CXCL3: variants seen among roughly 807,000 people sequenced by gnomAD.
The protein encoded by CXCL3 is C-X-C motif chemokine 3.
Under a neutral mutation model 11.5 loss-of-function variants are expected in CXCL3, and 10 were observed. That is an observed-to-expected ratio of 0.87 (90% CI 0.54 to 1.48). The LOEUF is 1.48. CXCL3 is among the 40% of genes most tolerant of loss of function. The probability of loss-of-function intolerance (pLI) is 0.00; values close to 1 mark genes in which losing one functional copy is unlikely to be tolerated. For missense variants in CXCL3, 149 were observed against 139.1 expected (o/e 1.07, Z -0.36); for synonymous variants, 61 against 60.9 (o/e 1.00, Z -0.01).
At position 74,038,277 on chromosome 4, in the gene CXCL3, G is replaced by A; in HGVS notation, c.224+13C>T. 1 of 1,613,910 alleles carries A rather than the reference G, an allele frequency of 6.2e-7. No individual in the cohort carries two copies. Among genetic ancestry groups the A allele is most frequent in the South Asian group, 1.1e-5 (1 of 91,058 alleles). On this transcript the variant is annotated intron_variant, in intron 2 of 3. Coordinates refer to ENST00000296026, the MANE Select transcript of CXCL3 (RefSeq NM_002090.3). ...CCCCAGCGGTGGCAGCGGAAGCGCGGGGCGGGACTTACATGACTTCGGTTT... is the reference window on the plus strand; with the variant it reads ...CCCCAGCGGTGGCAGCGGAAGCGCGAGGCGGGACTTACATGACTTCGGTTT...
In CXCL3 at chr4:74,038,681, G is replaced by A. The variant is rs1720059050; in HGVS notation, c.-70C>T. 3 of 1,353,384 alleles carry A rather than the reference G, an allele frequency of 2.2e-6. No homozygotes were observed. Among genetic ancestry groups the A allele is most frequent in the African/African-American group, 1.5e-5 (1 of 65,318 alleles). The allele number at this position is 1,353,384 out of a possible 1,614,324, so 83.8% of individuals were successfully genotyped here. On this transcript the variant is annotated 5_prime_UTR_variant, in exon 1 of 4. Coordinates refer to ENST00000296026, the MANE Select transcript of CXCL3 (RefSeq NM_002090.3). ...GCTGGCGGGGAGGTGCCTGCGACCC[G>A]GGCTGTGTGGCTCCCCAAGATCGGC...
At chr4:74,038,070 T>C in intron 3 of CXCL3, 23 bp downstream of exon 3, 1 of 1,612,904 alleles carries the variant, frequency 6.2e-7, no homozygotes, top group African/African-American at 1.3e-5. Flanking sequence ...CAGTCGCCTG[T>C]GTATATGGAA....
rs1439072397 is a variant in CXCL3, at chr4:74,037,020, A to G, written c.*242T>C. ...CCAATTAAATAATCAGGACTGAGCT[A>G]TGTTTGATGAAACACACTCACATCT... On this transcript the variant is annotated 3_prime_UTR_variant, in exon 4 of 4. Transcript: ENST00000296026. 2.2e-6 allele frequency: 1 copy of G among 456,274 alleles called. No individual in the cohort carries two copies. Among genetic ancestry groups the G allele is most frequent in the African/African-American group, 2.0e-5 (1 of 50,686 alleles). The allele number at this position is 456,274 out of a possible 1,614,324, so 28.3% of individuals were successfully genotyped here. A position where few individuals can be genotyped will look rare whatever the true frequency, so the allele number is the denominator to read the frequency against.
chr4:74,037,748 T>C, intron 3 of CXCL3: 1 of 314,194 alleles, frequency 3.2e-6, no homozygotes, highest in South Asian at 3.3e-5. Flanking sequence ...AAACCAGACA[T>C]TGCATTTTTC....
intron 3 of CXCL3, 82 bp downstream of exon 3, chr4:74,038,011 C>G (rs1720033025): frequency 7.0e-7 from 1 of 1,427,640 alleles, no homozygotes; most frequent in African/African-American, 1.4e-5. Flanking sequence ...TTGGGGTTCC[C>G]TGATTTTATT....
chr4:74,037,309 G>A lies in CXCL3; in HGVS notation c.309-32C>T, dbSNP rs1720015316. The A allele has an allele frequency of 1.9e-6, 3 of 1,613,670 alleles. No homozygotes were observed. The South Asian group carries it at 3.3e-5, about 18-fold the overall frequency. On this transcript the variant is annotated intron_variant, in intron 3 of 3. Transcript: ENST00000296026. The stretch of plus-strand genomic sequence containing the variant: ...TGAGAAAAGGGTTACTGTTGCAGGT[G>A]CTAAGGAAGGCTGCTCTTCTGTCAC...
intron 3 of CXCL3, 134 bp from the exon 4 acceptor site, chr4:74,037,411 A>C: frequency 3.6e-6 from 3 of 840,792 alleles, no homozygotes; most frequent in South Asian, 1.7e-5. Context: ...GTCTGTACCC[A>C]CTGCCTTCTA....
At position 74,037,266 on chromosome 4, in the gene CXCL3, T is replaced by C; in HGVS notation, c.320A>G (p.Asn107Ser). Reference sequence around the variant, plus strand: ...AAGCTTCTTACTTCTCTCCTGTCAGTTGGTGCTCCCCCTGTGATGAGAAAA... The same window carrying C: ...AAGCTTCTTACTTCTCTCCTGTCAGCTGGTGCTCCCCCTGTGATGAGAAAA... ...IEKILNKGST[N>S] Residue 107 changes from asparagine to serine, a missense_variant, in exon 4 of 4, where the codon AAC becomes AGC. Asn to Ser is a conservative substitution (Grantham distance 46). Coordinates refer to ENST00000296026, the MANE Select transcript of CXCL3 (RefSeq NM_002090.3). The C allele has an allele frequency of 6.2e-7, 1 of 1,614,000 alleles. No individual in the cohort carries two copies. The highest frequency in any genetic ancestry group is 8.5e-7 in the Non-Finnish European group (1 of 1,179,944).
At chr4:74,037,924 C>A (rs1720031466) in intron 3 of CXCL3, 169 bp downstream of exon 3, 4 of 699,376 alleles carry the variant, frequency 5.7e-6, no homozygotes, top group South Asian at 3.6e-5. Context: ...CCTCTGGCAC[C>A]AGAGCAGATT....
chr4:74,038,612 G>C lies in CXCL3; in HGVS notation c.-1C>G. 6.9e-7 allele frequency: 1 copy of C among 1,456,470 alleles called. No individual in the cohort carries two copies. The highest frequency in any genetic ancestry group is 9.0e-7 in the Non-Finnish European group (1 of 1,109,852). The allele number at this position is 1,456,470 out of a possible 1,614,324, so 90.2% of individuals were successfully genotyped here. On this transcript the variant is annotated 5_prime_UTR_variant, in exon 1 of 4. Transcript: ENST00000296026. ...CGGCGGAGAGCGTGGCGTGGGCCATGGGGCTCAGCAGACGCGTCGGGAAGC... is the reference window on the plus strand; with the variant it reads ...CGGCGGAGAGCGTGGCGTGGGCCATCGGGCTCAGCAGACGCGTCGGGAAGC...
chr4:74,038,562 C>T lies in CXCL3; in HGVS notation c.50G>A (p.Arg17Gln). 2 of 1,490,590 alleles carry T rather than the reference C, an allele frequency of 1.3e-6. No homozygotes were observed. Among genetic ancestry groups the T allele is most frequent in the Non-Finnish European group, 1.8e-6 (2 of 1,121,696 alleles). The allele number at this position is 1,490,590 out of a possible 1,614,324, so 92.3% of individuals were successfully genotyped here. Residue 17 changes from arginine to glutamine, a missense_variant, in exon 1 of 4, where the codon CGG becomes CAG. By Grantham distance (43) the Arg-to-Gln change is conservative. Transcript: ENST00000296026. ...SAAPSNPRLL[R>Q]VALLLLLLVA... ...CAGGAGCAGGAGCAGCAGCGCCACCCGCAGGAGCCGGGGATTGCTGGGGGC... is the reference window on the plus strand; with the variant it reads ...CAGGAGCAGGAGCAGCAGCGCCACCTGCAGGAGCCGGGGATTGCTGGGGGC...
chr4:74,038,124 C>A lies in CXCL3; in HGVS notation c.277G>T (p.Val93Phe). 6.2e-7 allele frequency: 1 copy of A among 1,614,078 alleles called. No individual in the cohort carries two copies. Among genetic ancestry groups the A allele is most frequent in the Non-Finnish European group, 8.5e-7 (1 of 1,180,014 alleles). ...KACLNPASPM[V>F]QKIIEKILNK... ...AGTATCTTTTCGATGATTTTCTGAACCATGGGGGATGCGGGGTTGAGACAA... is the reference window on the plus strand; with the variant it reads ...AGTATCTTTTCGATGATTTTCTGAAACATGGGGGATGCGGGGTTGAGACAA... The change falls in exon 3 of 4, where the codon GTT (valine) becomes TTT (phenylalanine). Residue 93 changes from valine to phenylalanine, a missense_variant. By Grantham distance (50) the Val-to-Phe change is conservative. Transcript: ENST00000296026.
chr4:74,038,349 C>G lies in CXCL3; in HGVS notation c.165G>C (p.Lys55Asn). ...ACCTTACATTCACACTTTGGATGTT[C>G]TTGAGGTGAATTCCCTGCAGTGTCT... ...CLQTLQGIHLKNIQSVNVRSP... is the reference protein window; with the variant it reads ...CLQTLQGIHLNNIQSVNVRSP... The change falls in exon 2 of 4, where the codon AAG becomes AAC. Residue 55 changes from lysine to asparagine, a missense_variant. By Grantham distance (94) the Lys-to-Asn change is moderately conservative (BLOSUM62 0). Coordinates refer to ENST00000296026, the MANE Select transcript of CXCL3 (RefSeq NM_002090.3). 6.2e-7 allele frequency: 1 copy of G among 1,614,192 alleles called. No homozygotes were observed.
rs1302961059 is a variant in CXCL3 at position 74,037,021 on chromosome 4, T to C, written c.*241A>G. On this transcript the variant is annotated 3_prime_UTR_variant, in exon 4 of 4. Coordinates refer to ENST00000296026, the MANE Select transcript of CXCL3 (RefSeq NM_002090.3). ...CAATTAAATAATCAGGACTGAGCTA[T>C]GTTTGATGAAACACACTCACATCTT... 2 of 460,108 alleles carry C rather than the reference T, an allele frequency of 4.3e-6. No individual in the cohort carries two copies. The highest frequency in any genetic ancestry group is 3.9e-5 in the African/African-American group (2 of 50,816). The allele number at this position is 460,108 out of a possible 1,614,324, so 28.5% of individuals were successfully genotyped here.
chr4:74,038,432 G>A lies in CXCL3; in HGVS notation c.101-19C>T, dbSNP rs770596414. The A allele has an allele frequency of 1.9e-6, 3 of 1,606,102 alleles. No individual in the cohort carries two copies. The highest frequency in any genetic ancestry group is 2.2e-5 in the South Asian group (2 of 90,162). On this transcript the variant is annotated intron_variant, in intron 1 of 3. Transcript: ENST00000296026. ...GACGCTCCTAGGGAAGAATAGACTC[G>A]CTGATTGAGCGGGGCTGTCGGCGCG...
rs1560558574 is a variant in CXCL3 at position 74,038,081 on chromosome 4, A to C, written c.308+12T>G. 1 of 1,613,896 alleles carries C rather than the reference A, an allele frequency of 6.2e-7. No individual in the cohort carries two copies. On this transcript the variant is annotated intron_variant, in intron 3 of 3. Coordinates refer to ENST00000296026, the MANE Select transcript of CXCL3 (RefSeq NM_002090.3). ...GCTCCAGTCGCCTGTGTATATGGAA[A>C]TTACAACTCACTTGTTCAGTATCTT...
At chr4:74,037,379 G>A in intron 3 of CXCL3, 102 bp from the exon 4 acceptor site, 2 of 1,393,068 alleles carry the variant, frequency 1.4e-6, no homozygotes, top group Admixed American at 3.4e-5. Flanking sequence ...CTCTCTCCCA[G>A]CCCTCCACTC....
intron 3 of CXCL3, 140 bp downstream of exon 3, chr4:74,037,953 T>C (rs1356170169): frequency 1.1e-6 from 1 of 921,968 alleles, no homozygotes; most frequent in Non-Finnish European, 1.7e-6. Context: ...TAATGGCAAC[T>C]TTAATTGTGA....
Position 74,038,128 on chromosome 4 carries a change from G to A in CXCL3, c.273C>T (p.Pro91=). The A allele has an allele frequency of 6.8e-6, 11 of 1,614,110 alleles. No individual in the cohort carries two copies. Among genetic ancestry groups the A allele is most frequent in the Non-Finnish European group, 9.3e-6 (11 of 1,180,004 alleles). Residue 91 remains proline, a synonymous_variant, in exon 3 of 4, where the codon CCC becomes CCT. Coordinates refer to ENST00000296026, the MANE Select transcript of CXCL3 (RefSeq NM_002090.3). ...GKKACLNPAS[P]MVQKIIEKIL... is the part of the protein sequence containing the mutation. ...TCTTTTCGATGATTTTCTGAACCAT[G>A]GGGGATGCGGGGTTGAGACAAGCTT...
Sources: allele counts gnomAD v4.1 joint callset, GRCh38; gene constraint gnomAD v4.1.1; transcripts MANE v1.5; gene names NCBI Gene and HGNC (gene_info 2026-07-23, HGNC 2026-07-21).